The following MACROD2 variants were observed in gnomAD, a reference collection of about 807,000 sequenced individuals.
MACROD2 encodes the protein ADP-ribose glycohydrolase MACROD2.
Under a neutral mutation model 70.4 loss-of-function variants are expected in MACROD2, and 36 were observed. The ratio of observed to expected loss-of-function variants is 0.51; its 90% confidence interval spans 0.39 to 0.68. MACROD2 has a LOEUF of 0.68. Among genes scored for constraint, MACROD2 ranks in the 30% least tolerant of loss-of-function variants. The pLI is 0.00. For synonymous variants in MACROD2, 172 were observed against 178.8 expected, an observed-to-expected ratio of 0.96 and a Z score of 0.30; for missense variants, 496 against 538.4, an observed-to-expected ratio of 0.92 and a Z score of 0.78.
At chr20:15,996,226 T>G (rs149122965) in intron 15 of MACROD2, among the ~76,000 whole-genome samples, 1 of 152,284 alleles carries the variant, frequency 6.6e-6, no homozygotes, top group African/African-American at 2.4e-5. Flanking sequence ...CATATCTCAT[T>G]GTGATTTTGA....
chr20:15,148,191 G>A (rs467461), intron 5 of MACROD2, among the ~76,000 whole-genome samples: 89,077 of 151,474 alleles, frequency 0.59, 26,428 homozygotes, highest in East Asian at 0.65. Flanking sequence ...CGGTGTGGGA[G>A]CCTAGAGTGG....
intron 4 of MACROD2, among the ~76,000 whole-genome samples, chr20:14,514,187 A>G (rs2085063326): frequency 1.3e-5 from 2 of 152,248 alleles, no homozygotes; most frequent in East Asian, 1.9e-4. Context: ...GAGGACTAGC[A>G]TAACATGATA....
At chr20:14,387,694 C>A (rs1429247264) in intron 3 of MACROD2, among the ~76,000 whole-genome samples, 1 of 152,206 alleles carries the variant, frequency 6.6e-6, no homozygotes, top group Non-Finnish European at 1.5e-5. Flanking sequence ...GTCTTATCTC[C>A]CTATGGCTGC....
At position 15,862,833 on chromosome 20, in the gene MACROD2, A is replaced by G. The variant is rs1163945599; in HGVS notation, c.727+7A>G. The G allele has an allele frequency of 1.3e-6, 2 of 1,594,388 alleles. No individual in the cohort carries two copies. The highest frequency in any genetic ancestry group is 1.7e-6 in the Non-Finnish European group (2 of 1,166,884). On this transcript the variant is annotated splice_region_variant and intron_variant, in intron 9 of 17. Coordinates refer to ENST00000684519, the MANE Select transcript of MACROD2 (RefSeq NM_001351661.2). ...AATGAGTTTTTCTCCGTAGGTGAGT[A>G]AAGCAACTTCTTGTTTTCTTTCAAA... is the stretch of plus-strand genomic sequence containing the variant.
intron 4 of MACROD2, among the ~76,000 whole-genome samples, chr20:14,657,012 T>TA (rs1218345172): frequency 6.6e-6 from 1 of 152,114 alleles, no homozygotes; most frequent in African/African-American, 2.4e-5. Flanking sequence ...CTCCCACACA[T>TA]ACCTATGCAC....
At chr20:15,876,109 A>ATATATG (rs57817982) in intron 9 of MACROD2, among the ~76,000 whole-genome samples, 16,402 of 124,338 alleles carry the variant, frequency 0.13, 1,535 homozygotes, top group South Asian at 0.22. Flanking sequence ...ATATATATAT[A>ATATATG]TATGTGTGTA....
At chr20:15,741,347 C>T (rs377057872) in intron 8 of MACROD2, among the ~76,000 whole-genome samples, 101 of 151,852 alleles carry the variant, frequency 6.7e-4, no homozygotes, top group African/African-American at 2.3e-3. Flanking sequence ...GATCTGCCCA[C>T]CTCAGCCTCC....
intron 5 of MACROD2, among the ~76,000 whole-genome samples, chr20:15,156,753 C>T (rs2076309653): frequency 6.6e-6 from 1 of 152,128 alleles, no homozygotes; most frequent in Non-Finnish European, 1.5e-5. Flanking sequence ...TAAGTGGTTT[C>T]CTGATCTGCT....
At chr20:14,360,987 C>T (rs967347237) in intron 3 of MACROD2, among the ~76,000 whole-genome samples, 4 of 152,122 alleles carry the variant, frequency 2.6e-5, no homozygotes, top group East Asian at 1.9e-4. Flanking sequence ...AGCAGGGCTT[C>T]CTAGCTTTTC....
intron 5 of MACROD2, among the ~76,000 whole-genome samples, chr20:14,865,353 C>G (rs2073417154): frequency 6.6e-6 from 1 of 151,910 alleles, no homozygotes; most frequent in Non-Finnish European, 1.5e-5. Flanking sequence ...GGTTTCCTGC[C>G]TTTGGTAATC....
chr20:15,768,138 CTGTGTG>C (rs557053436), intron 8 of MACROD2, among the ~76,000 whole-genome samples: 2 of 148,544 alleles, frequency 1.3e-5, no homozygotes, highest in Admixed American at 6.7e-5. Flanking sequence ...GTGTATGTGT[CTGTGTG>C]TGTGTGTGTG....
At chr20:14,289,098 G>C (rs1415873505) in intron 3 of MACROD2, among the ~76,000 whole-genome samples, 2 of 152,160 alleles carry the variant, frequency 1.3e-5, no homozygotes, top group African/African-American at 2.4e-5. Flanking sequence ...GAATTGCTCT[G>C]TCTCCTTGAC....
chr20:15,561,620 T>A (rs2048245135), intron 8 of MACROD2, among the ~76,000 whole-genome samples: 1 of 152,146 alleles, frequency 6.6e-6, no homozygotes, highest in Non-Finnish European at 1.5e-5. Flanking sequence ...TTTTTTTAAA[T>A]GAATGAATGA....
chr20:14,041,710 A>C (rs1238453333), intron 2 of MACROD2, among the ~76,000 whole-genome samples: 1 of 152,212 alleles, frequency 6.6e-6, no homozygotes, highest in East Asian at 1.9e-4. Flanking sequence ...TTGCTTACAA[A>C]TTCACCTAGC....
intron 8 of MACROD2, chr20:15,619,516 A>G: frequency 5.6e-6 from 2 of 355,482 alleles, no homozygotes; most frequent in South Asian, 3.1e-5. Flanking sequence ...GCTGGTGATG[A>G]GTGAGGATTT....
chr20:15,896,022 CAA>C (rs1184409343), intron 10 of MACROD2, among the ~76,000 whole-genome samples: 1 of 152,144 alleles, frequency 6.6e-6, no homozygotes, highest in Non-Finnish European at 1.5e-5. Flanking sequence ...TGTTATGATA[CAA>C]AGAGTTACAA....
intron 8 of MACROD2, among the ~76,000 whole-genome samples, chr20:15,653,754 C>T (rs1387460737): frequency 6.6e-6 from 1 of 152,106 alleles, no homozygotes; most frequent in Non-Finnish European, 1.5e-5. Flanking sequence ...GATATAAACA[C>T]AGGAACCCAC....
At chr20:15,561,691 C>T (rs1207572041) in intron 8 of MACROD2, among the ~76,000 whole-genome samples, 2 of 151,944 alleles carry the variant, frequency 1.3e-5, no homozygotes, top group South Asian at 2.1e-4. Flanking sequence ...GTGCCTTTGG[C>T]TTTTGTTATT....
chr20:15,259,108 A>G lies in MACROD2; in HGVS notation c.540+29047A>G, dbSNP rs181982439. Among the ~76,000 whole-genome samples, 8 of 152,124 alleles carry G rather than the reference A, an allele frequency of 5.3e-5. No homozygotes were observed. In the East Asian group the frequency reaches 1.5e-3, roughly 29 times the overall value. ...CAAAGCTCATCTCCATAGAAATTCA[A>G]GGATGCTTCTTTCCCCCCATACAAC... On this transcript the variant is annotated intron_variant, in intron 6 of 17. Coordinates refer to ENST00000684519, the MANE Select transcript of MACROD2 (RefSeq NM_001351661.2).
Sources: allele counts gnomAD v4.1 joint callset (sites outside exome capture counted in the v4.1 genomes callset), GRCh38; gene constraint gnomAD v4.1.1; transcripts MANE v1.5; gene names NCBI Gene and HGNC (gene_info 2026-07-23, HGNC 2026-07-21).